ZNF664: variants seen among roughly 807,000 people sequenced by gnomAD.
ZNF664 encodes the protein zinc finger protein 664.
In ZNF664, 10 loss-of-function variants were observed where a neutral mutation model predicts 18.2. That is an observed-to-expected ratio of 0.55 (90% confidence interval 0.34 to 0.93). The LOEUF is 0.93. Ranked by LOEUF, ZNF664 falls within the 40% of genes least tolerant of loss-of-function variation. The probability of loss-of-function intolerance (pLI) is 0.02; values close to 1 mark genes in which losing one functional copy is unlikely to be tolerated. For missense variants in ZNF664, 193 were observed against 319.0 expected, an observed-to-expected ratio of 0.61 and a Z score of 3.01; for synonymous variants, 119 against 104.2, an observed-to-expected ratio of 1.14 and a Z score of -0.86.
At chr12:123,979,738 G>T (rs2138325786) in intron 2 of ZNF664, among the ~76,000 whole-genome samples, 1 of 152,244 alleles carries the variant, frequency 6.6e-6, no homozygotes, top group East Asian at 1.9e-4. Context: ...GAGTGCAGTG[G>T]TACGGAATGT....
chr12:124,010,881 G>T (rs984145440), intron 3 of ZNF664, among the ~76,000 whole-genome samples: 3 of 152,206 alleles, frequency 2.0e-5, no homozygotes, highest in African/African-American at 7.2e-5. Context: ...AGTGGCTTAA[G>T]TGCTGGGAAC....
chr12:123,981,750 C>T (rs189078333), intron 2 of ZNF664, among the ~76,000 whole-genome samples: 6 of 152,176 alleles, frequency 3.9e-5, no homozygotes, highest in African/African-American at 1.4e-4. Flanking sequence ...AGGTGTGTCA[C>T]GAAGAGGATT....
At chr12:124,007,356 A>G (rs1240399802) in intron 3 of ZNF664, among the ~76,000 whole-genome samples, 1 of 152,200 alleles carries the variant, frequency 6.6e-6, no homozygotes, top group Admixed American at 6.5e-5. Flanking sequence ...AGGCTGGCGG[A>G]GTACCCTAAC....
chr12:123,979,125 T>C (rs1956730643), intron 2 of ZNF664, among the ~76,000 whole-genome samples: 1 of 152,198 alleles, frequency 6.6e-6, no homozygotes, highest in Non-Finnish European at 1.5e-5. Flanking sequence ...CCTAAAATCA[T>C]AAATGAAAGG....
chr12:123,982,739 T>C (rs913239923), intron 2 of ZNF664, among the ~76,000 whole-genome samples: 1 of 152,220 alleles, frequency 6.6e-6, no homozygotes, highest in African/African-American at 2.4e-5. Context: ...AGGAGAGACG[T>C]CCTGGAAGTT....
In ZNF664 at chr12:123,993,050, G is replaced by A. The variant is rs181598151; in HGVS notation, c.-661+4912G>A. On this transcript the variant is annotated intron_variant, in intron 3 of 4. Coordinates refer to ENST00000337815, the MANE Select transcript of ZNF664 (RefSeq NM_152437.3). ...CAGTTGGACCTTCCGAGGTGCTGTC[G>A]GCTGGAGGAGATGAAGTGTGAGAAG... 6.1e-3 allele frequency among the ~76,000 whole-genome samples: 928 copies of A among 152,302 alleles called. 4 individuals carry two copies. Among genetic ancestry groups the A allele is most frequent in the Non-Finnish European group, 9.8e-3 (667 of 68,032 alleles).
chr12:123,978,578 A>G (rs1289512147), intron 2 of ZNF664, among the ~76,000 whole-genome samples: 2 of 152,232 alleles, frequency 1.3e-5, no homozygotes, highest in Non-Finnish European at 2.9e-5. Flanking sequence ...AGATTGCAGT[A>G]CCTCCAAATT....
At chr12:123,977,020 C>T (rs1214708425) in intron 2 of ZNF664, among the ~76,000 whole-genome samples, 1 of 152,154 alleles carries the variant, frequency 6.6e-6, no homozygotes, top group Non-Finnish European at 1.5e-5. Flanking sequence ...GTGGAGCTTG[C>T]AGTGAGCGGA....
At chr12:124,008,808 G>A (rs570785088) in intron 3 of ZNF664, among the ~76,000 whole-genome samples, 5 of 152,134 alleles carry the variant, frequency 3.3e-5, no homozygotes, top group African/African-American at 1.2e-4. Context: ...TTGGCTCTGT[G>A]TTCCTTTGGC....
At chr12:123,975,143 A>G (rs946359161) in intron 2 of ZNF664, among the ~76,000 whole-genome samples, 8 of 152,172 alleles carry the variant, frequency 5.3e-5, no homozygotes, top group South Asian at 2.1e-4. Flanking sequence ...CATAGAGTTC[A>G]GTGATACAGT....
At chr12:124,007,357 G>A (rs1873224) in intron 3 of ZNF664, among the ~76,000 whole-genome samples, 6,285 of 152,298 alleles carry the variant, frequency 0.041, 406 homozygotes, top group African/African-American at 0.13. Flanking sequence ...GGCTGGCGGA[G>A]TACCCTAACC....
rs1465270298 is a variant in ZNF664 at position 123,979,676 on chromosome 12, A to AT, written c.-757+5662dup. On this transcript the variant is annotated intron_variant, in intron 2 of 4. Coordinates refer to ENST00000337815, the MANE Select transcript of ZNF664 (RefSeq NM_152437.3). ...CAAGTAGCGTTTTGTTTTTTGTGGG[A>AT]TTTTTTGTTTGTTTTGTTTTGAGAC... Among the ~76,000 whole-genome samples, 4 of 151,944 alleles carry AT rather than the reference A, an allele frequency of 2.6e-5. No individual in the cohort carries two copies. The South Asian group carries it at 8.3e-4, about 32-fold the overall frequency.
At chr12:124,005,724 T>C (rs2138439670) in intron 3 of ZNF664, 1 of 152,598 alleles carries the variant, frequency 6.6e-6, no homozygotes, top group Non-Finnish European at 1.5e-5. Context: ...CCCCCGTCTT[T>C]CTAAAGGCAT....
intron 3 of ZNF664, among the ~76,000 whole-genome samples, chr12:123,990,588 C>T (rs536252388): frequency 2.0e-3 from 311 of 152,282 alleles, no homozygotes; most frequent in Non-Finnish European, 3.8e-3. Context: ...TTAGGTCTTA[C>T]TACCACAGTG....
At position 123,981,237 on chromosome 12, in the gene ZNF664, T is replaced by G. The variant is rs151271150; in HGVS notation, c.-756-6806T>G. Among the ~76,000 whole-genome samples the G allele has an allele frequency of 7.4e-3, 1,128 of 152,144 alleles. 13 individuals carry two copies. The highest frequency in any genetic ancestry group is 0.024 in the African/African-American group (1,000 of 41,498). On this transcript the variant is annotated intron_variant, in intron 2 of 4. Transcript: ENST00000337815. ...AGTCAATGATATTGACTTGGGCAAT[T>G]GAGGGGAGAGTGGACTCATTTACTA...
At chr12:123,976,477 G>A (rs1327977796) in intron 2 of ZNF664, among the ~76,000 whole-genome samples, 2 of 152,112 alleles carry the variant, frequency 1.3e-5, no homozygotes, top group African/African-American at 2.4e-5. Context: ...AGAGTGGCTA[G>A]GCCAGGGGCC....
chr12:124,003,274 G>A (rs1957034147), intron 3 of ZNF664: 1 of 152,206 alleles, frequency 6.6e-6, no homozygotes, highest in Non-Finnish European at 1.5e-5. Flanking sequence ...TGCACTCATG[G>A]GCACAAGTGG....
chr12:123,974,667 ATCCTTCTAGATCTTTTGGAGTACTTTT>A (rs1956662942), intron 2 of ZNF664: 1 of 152,254 alleles, frequency 6.6e-6, no homozygotes, highest in African/African-American at 2.4e-5. Flanking sequence ...TGTGGTGTTT[ATCCTTCTAGATCTTTTGGAGTACTTTT>A]ACGTGTGTGC....
intron 2 of ZNF664, among the ~76,000 whole-genome samples, chr12:123,978,130 T>G (rs1453762027): frequency 1.3e-5 from 2 of 151,928 alleles, no homozygotes; most frequent in Non-Finnish European, 2.9e-5. Flanking sequence ...AATTAGTGTA[T>G]TAGACTACAT....
Sources: allele counts gnomAD v4.1 joint callset (sites outside exome capture counted in the v4.1 genomes callset), GRCh38; gene constraint gnomAD v4.1.1; transcripts MANE v1.5; gene names NCBI Gene and HGNC (gene_info 2026-07-23, HGNC 2026-07-21).